PXDNL: variants seen among roughly 807,000 people sequenced by gnomAD.
PXDNL encodes peroxidasin like.
PXDNL carries 145 observed loss-of-function variants against 150.8 expected under a neutral mutation model. The ratio of observed to expected loss-of-function variants is 0.96; its 90% CI spans 0.84 to 1.10. PXDNL has a LOEUF of 1.10. Among genes scored for constraint, PXDNL ranks in the 50% least tolerant of loss-of-function variants. PXDNL has a pLI of 0.00. For synonymous variants in PXDNL, 757 were observed against 725.7 expected (o/e 1.04, Z -0.69); for missense variants, 2,087 against 1,873.9 (o/e 1.11, Z -2.10).
chr8:51,723,645 T>C (rs1816771314), intron 1 of PXDNL, among the ~76,000 whole-genome samples: 2 of 152,148 alleles, frequency 1.3e-5, no homozygotes, highest in South Asian at 2.1e-4. Context: ...AGGGTCCCTA[T>C]GTGGCGGGAG....
intron 4 of PXDNL, among the ~76,000 whole-genome samples, chr8:51,516,327 AAGTC>A (rs1811538534): frequency 6.6e-6 from 1 of 152,224 alleles, no homozygotes; most frequent in Non-Finnish European, 1.5e-5. Flanking sequence ...ACACAAATTC[AAGTC>A]AACTCTAGAA....
intron 4 of PXDNL, among the ~76,000 whole-genome samples, chr8:51,520,787 T>A (rs1261276759): frequency 2.1e-5 from 3 of 144,688 alleles, no homozygotes; most frequent in African/African-American, 8.2e-5. Context: ...TGCTCAACAC[T>A]CCTGGCCCTC....
At position 51,571,181 on chromosome 8, in the gene PXDNL, A is replaced by G. The variant is rs187048622; in HGVS notation, c.309-14270T>C. 2.8e-3 allele frequency among the ~76,000 whole-genome samples: 430 copies of G among 151,846 alleles called. 2 individuals are homozygous for G. Among genetic ancestry groups the G allele is most frequent in the Middle Eastern group, 0.01 (3 of 294 alleles). ...AACATTCTAAAAATATTTTCACTTG[A>G]GATTAGAGTGTGGTCTTCCAACAAC... On this transcript the variant is annotated intron_variant, in intron 3 of 22. Coordinates refer to ENST00000356297, the MANE Select transcript of PXDNL (RefSeq NM_144651.5).
chr8:51,561,373 A>G (rs1469998066), intron 3 of PXDNL, among the ~76,000 whole-genome samples: 1 of 151,938 alleles, frequency 6.6e-6, no homozygotes, highest in Non-Finnish European at 1.5e-5. Flanking sequence ...GAGAGTGAAT[A>G]GAAAAACAAA....
intron 4 of PXDNL, among the ~76,000 whole-genome samples, chr8:51,554,088 A>G (rs1003350929): frequency 1.3e-5 from 2 of 152,226 alleles, no homozygotes; most frequent in African/African-American, 2.4e-5. Context: ...GTTCTTTACC[A>G]ATAAGTTTAA....
chr8:51,640,298 C>A (rs1176754265), intron 2 of PXDNL, among the ~76,000 whole-genome samples: 18 of 152,144 alleles, frequency 1.2e-4, no homozygotes, highest in African/African-American at 3.9e-4. Context: ...TGGCACAAGA[C>A]AGGGATGCCG....
At chr8:51,543,482 A>G (rs944562501) in intron 4 of PXDNL, among the ~76,000 whole-genome samples, 3 of 152,134 alleles carry the variant, frequency 2.0e-5, no homozygotes, top group South Asian at 2.1e-4. Context: ...AACAATGACT[A>G]TGGGCGGATC....
intron 1 of PXDNL, among the ~76,000 whole-genome samples, chr8:51,763,111 C>A (rs1438822212): frequency 1.3e-5 from 2 of 152,146 alleles, no homozygotes; most frequent in African/African-American, 4.8e-5. Flanking sequence ...CCCTTATACC[C>A]AGCCCCAGAA....
intron 21 of PXDNL, among the ~76,000 whole-genome samples, chr8:51,331,028 A>G (rs2392835): frequency 0.043 from 6,503 of 152,240 alleles, 291 homozygotes; most frequent in African/African-American, 0.11. Flanking sequence ...GGAGGCTTGC[A>G]TTGTGAAACT....
At chr8:51,328,773 G>A (rs1805593087) in intron 21 of PXDNL, among the ~76,000 whole-genome samples, 1 of 152,106 alleles carries the variant, frequency 6.6e-6, no homozygotes, top group African/African-American at 2.4e-5. Flanking sequence ...TTTACCTTAA[G>A]GAAACTTAAG....
chr8:51,752,841 C>A (rs183141501), intron 1 of PXDNL, among the ~76,000 whole-genome samples: 1 of 152,314 alleles, frequency 6.6e-6, no homozygotes, highest in Admixed American at 6.5e-5. Flanking sequence ...CACCTCTCAG[C>A]TCCTTGTGAA....
At chr8:51,648,609 A>C (rs1814972588) in intron 2 of PXDNL, among the ~76,000 whole-genome samples, 1 of 152,224 alleles carries the variant, frequency 6.6e-6, no homozygotes, top group South Asian at 2.1e-4. Flanking sequence ...TTAAGACACC[A>C]AGGCTTTGGT....
At chr8:51,458,544 T>C (rs906415627) in intron 8 of PXDNL, among the ~76,000 whole-genome samples, 1 of 152,214 alleles carries the variant, frequency 6.6e-6, no homozygotes, top group Admixed American at 6.5e-5. Context: ...CTCTCCTCCA[T>C]CTTCATCACT....
At chr8:51,675,230 A>G (rs1815588556) in intron 1 of PXDNL, among the ~76,000 whole-genome samples, 1 of 152,156 alleles carries the variant, frequency 6.6e-6, no homozygotes, top group African/African-American at 2.4e-5. Context: ...TAGTATTAAG[A>G]GGTGGGGCCT....
chr8:51,423,575 C>A lies in PXDNL; in HGVS notation c.1795G>T (p.Ala599Ser). 6.2e-7 allele frequency: 1 copy of A among 1,613,146 alleles called. No homozygotes were observed. Among genetic ancestry groups the A allele is most frequent in the South Asian group, 1.1e-5 (1 of 90,976 alleles). ...AVTNMFLTVT[A>S]IQGRQAGDDF... ...TGTAAATGGAGCTATAGACACCTAC[C>A]CGTGACTGTAAGAAACATGTTGGTC... The change falls in exon 14 of 23, where the codon GCT (alanine) becomes TCT (serine). Residue 599 changes from alanine (A) to serine (S), a missense_variant and splice_region_variant. Transcript: ENST00000356297.
intron 17 of PXDNL, among the ~76,000 whole-genome samples, chr8:51,396,133 C>T (rs1481021748): frequency 3.9e-5 from 6 of 152,190 alleles, no homozygotes; most frequent in African/African-American, 1.4e-4. Flanking sequence ...CTTCAGCAGT[C>T]CACCTATGCC....
chr8:51,666,773 G>A (rs1303816989), intron 1 of PXDNL, among the ~76,000 whole-genome samples: 2 of 152,138 alleles, frequency 1.3e-5, no homozygotes, highest in African/African-American at 4.8e-5. Context: ...GTCCTGATGG[G>A]CCATTCTCCT....
intron 2 of PXDNL, among the ~76,000 whole-genome samples, chr8:51,641,227 C>T (rs201891232): frequency 7.4e-4 from 91 of 122,560 alleles, no homozygotes; most frequent in Middle Eastern, 3.9e-3. Flanking sequence ...AAGACTTAAA[C>T]GTTAGACCTA....
chr8:51,653,995 A>G (rs1048141339), intron 2 of PXDNL, among the ~76,000 whole-genome samples: 1 of 152,168 alleles, frequency 6.6e-6, no homozygotes, highest in African/African-American at 2.4e-5. Flanking sequence ...AATTTTTTCT[A>G]TTACAGACAT....
Sources: gnomAD v4.1 joint callset for allele counts (sites outside exome capture counted in the v4.1 genomes callset) on GRCh38, gnomAD v4.1.1 for gene constraint, MANE v1.5 for transcripts, NCBI Gene and HGNC (gene_info 2026-07-23, HGNC 2026-07-21) for gene names.